LRMDA: variants seen among roughly 807,000 people sequenced by gnomAD.
LRMDA encodes the protein leucine-rich melanocyte differentiation-associated protein.
Under a neutral mutation model 29.8 loss-of-function variants are expected in LRMDA, and 18 were observed. The observed-to-expected ratio is 0.60, with a 90% CI of 0.42 to 0.90. LRMDA has a LOEUF of 0.90. Ranked by LOEUF, LRMDA falls within the 40% of genes least tolerant of loss-of-function variation. The pLI, the probability that LRMDA is intolerant of heterozygous loss-of-function variation, is 0.00. For missense variants in LRMDA, 273 were observed against 273.9 expected (o/e 1.00, Z 0.02); for synonymous variants, 125 against 109.4 (o/e 1.14, Z -0.89).
intron 2 of LRMDA, among the ~76,000 whole-genome samples, chr10:75,656,392 T>G (rs1841674547): frequency 6.6e-6 from 1 of 152,240 alleles, no homozygotes. Flanking sequence ...CCACTTCCTA[T>G]GATTCCATTC....
intron 2 of LRMDA, among the ~76,000 whole-genome samples, chr10:75,813,046 A>G (rs1997364): frequency 0.38 from 57,953 of 152,004 alleles, 13,015 homozygotes; most frequent in South Asian, 0.52. Context: ...TGAGAGTTAC[A>G]CGGCTCCTGG....
intron 2 of LRMDA, among the ~76,000 whole-genome samples, chr10:75,600,875 C>T (rs1840876762): frequency 6.6e-6 from 1 of 152,198 alleles, no homozygotes; most frequent in Non-Finnish European, 1.5e-5. Flanking sequence ...AAATAGCATT[C>T]ACTGTTAAAC....
chr10:75,806,761 A>ACC, intron 2 of LRMDA, among the ~76,000 whole-genome samples: 1 of 144,130 alleles, frequency 6.9e-6, no homozygotes, highest in Non-Finnish European at 1.5e-5. Flanking sequence ...GTGTGCTAGG[A>ACC]CCCCCATGTC....
At chr10:75,713,142 T>C (rs1173141513) in intron 2 of LRMDA, among the ~76,000 whole-genome samples, 1 of 152,216 alleles carries the variant, frequency 6.6e-6, no homozygotes, top group Non-Finnish European at 1.5e-5. Context: ...AGTGACTCAA[T>C]ATTTAATCTG....
intron 2 of LRMDA, among the ~76,000 whole-genome samples, chr10:75,811,276 C>T (rs1345205561): frequency 2.0e-5 from 3 of 152,140 alleles, no homozygotes; most frequent in Non-Finnish European, 4.4e-5. Flanking sequence ...CATGGGCAAG[C>T]TCCACCCCCA....
intron 2 of LRMDA, among the ~76,000 whole-genome samples, chr10:75,461,574 G>A (rs1387532848): frequency 6.6e-6 from 1 of 152,136 alleles, no homozygotes; most frequent in African/African-American, 2.4e-5. Flanking sequence ...CTCTCCTAGG[G>A]AGAGTCTAAG....
At chr10:75,801,021 G>A (rs61729747) in intron 2 of LRMDA, among the ~76,000 whole-genome samples, 130 of 152,278 alleles carry the variant, frequency 8.5e-4, no homozygotes, top group Non-Finnish European at 1.6e-3. Context: ...TGCACTTTAA[G>A]GTGTCTTCCT....
At position 76,217,552 on chromosome 10, in the gene LRMDA, A is replaced by G. The variant is rs138192494; in HGVS notation, c.517-106849A>G. 6.7e-3 allele frequency among the ~76,000 whole-genome samples: 1,023 copies of G among 152,330 alleles called. 2 individuals carry two copies. Among genetic ancestry groups the G allele is most frequent in the Middle Eastern group, 0.024 (7 of 294 alleles). ...AATATTAGTGCTAGGGGGACACAGC[A>G]CAACTTGGGAACTTCTGGGGACCAG... On this transcript the variant is annotated intron_variant, in intron 5 of 6. Transcript: ENST00000611255.
At chr10:75,597,856 A>G (rs953289661) in intron 2 of LRMDA, among the ~76,000 whole-genome samples, 1 of 152,082 alleles carries the variant, frequency 6.6e-6, no homozygotes, top group Non-Finnish European at 1.5e-5. Context: ...TGACAGGTAG[A>G]TTTATAAGGC....
intron 2 of LRMDA, among the ~76,000 whole-genome samples, chr10:75,838,108 A>G (rs1380745087): frequency 6.6e-6 from 1 of 152,232 alleles, no homozygotes; most frequent in Non-Finnish European, 1.5e-5. Context: ...TTGATGACTG[A>G]AATGTTCTAT....
chr10:75,861,313 T>A (rs1042919682), intron 2 of LRMDA, among the ~76,000 whole-genome samples: 1 of 152,190 alleles, frequency 6.6e-6, no homozygotes, highest in Admixed American at 6.5e-5. Context: ...ATTTATCCAT[T>A]TATAGGGGTC....
chr10:76,518,001 A>G (rs920627388), intron 6 of LRMDA, among the ~76,000 whole-genome samples: 3 of 150,950 alleles, frequency 2.0e-5, no homozygotes, highest in Non-Finnish European at 4.4e-5. Flanking sequence ...TGGAACAAAT[A>G]CAAATTCCGA....
intron 6 of LRMDA, among the ~76,000 whole-genome samples, chr10:76,406,178 A>G (rs1841899626): frequency 1.3e-5 from 2 of 152,194 alleles, no homozygotes; most frequent in South Asian, 2.1e-4. Context: ...CATTCCGGAA[A>G]GGGTGGCTGT....
chr10:76,010,144 C>T (rs2132478830), intron 2 of LRMDA, among the ~76,000 whole-genome samples: 1 of 152,200 alleles, frequency 6.6e-6, no homozygotes, highest in South Asian at 2.1e-4. Context: ...CAAAGGCTTC[C>T]TCACCATTGC....
chr10:76,125,385 G>A (rs544160221), intron 5 of LRMDA, among the ~76,000 whole-genome samples: 5 of 152,102 alleles, frequency 3.3e-5, no homozygotes, highest in Non-Finnish European at 7.4e-5. Context: ...CCTCCTGTTC[G>A]GCAAAATGTT....
intron 2 of LRMDA, among the ~76,000 whole-genome samples, chr10:76,016,848 G>A (rs770472168): frequency 6.6e-6 from 1 of 152,192 alleles, no homozygotes; most frequent in Non-Finnish European, 1.5e-5. Context: ...TCCTCAGTTC[G>A]TAATACCTGG....
intron 6 of LRMDA, among the ~76,000 whole-genome samples, chr10:76,477,190 A>T (rs1328906650): frequency 6.6e-6 from 1 of 152,154 alleles, no homozygotes; most frequent in Non-Finnish European, 1.5e-5. Flanking sequence ...GCTGATAAGC[A>T]ACTTCAGCAA....
At chr10:75,992,360 C>T (rs1485595537) in intron 2 of LRMDA, among the ~76,000 whole-genome samples, 1 of 152,146 alleles carries the variant, frequency 6.6e-6, no homozygotes, top group African/African-American at 2.4e-5. Flanking sequence ...GGTCGATGCT[C>T]CTGACAGACA....
chr10:76,331,533 G>GT (rs1197877390), intron 6 of LRMDA, among the ~76,000 whole-genome samples: 1 of 152,110 alleles, frequency 6.6e-6, no homozygotes, highest in Non-Finnish European at 1.5e-5. Context: ...GTATTGAAAA[G>GT]TGGCAAAAGG....
Sources: allele counts gnomAD v4.1 joint callset (sites outside exome capture counted in the v4.1 genomes callset), GRCh38; gene constraint gnomAD v4.1.1; transcripts MANE v1.5; gene names NCBI Gene and HGNC (gene_info 2026-07-23, HGNC 2026-07-21).